The following DOCK2 variants were observed in gnomAD, a reference collection of about 807,000 sequenced individuals.
DOCK2 encodes the protein dedicator of cytokinesis protein 2.
DOCK2 carries 87 observed loss-of-function variants against 248.9 expected under a neutral mutation model. The observed-to-expected ratio is 0.35, with a 90% CI of 0.29 to 0.42. DOCK2 has a LOEUF of 0.42. Ranked by LOEUF, DOCK2 falls within the 10% of genes least tolerant of loss-of-function variation. The pLI, the probability that DOCK2 is intolerant of heterozygous loss-of-function variation, is 1.00. For missense variants in DOCK2, 1,747 were observed against 2,300.2 expected (o/e 0.76, Z 4.92); for synonymous variants, 805 against 821.6 (o/e 0.98, Z 0.35).
rs1347027503 is a variant in DOCK2, at chr5:169,883,211, T to A, written c.2799+42359T>A. On this transcript the variant is annotated intron_variant, in intron 27 of 51. Transcript: ENST00000520908. ...TCATCCAAAGGGTGTATGGAGTTAC[T>A]TACTTCAGCTGACCTGTCTGGGCTG... The A allele has an allele frequency of 3.9e-6, 6 of 1,551,454 alleles. No individual in the cohort carries two copies. In the South Asian group the frequency reaches 7.1e-5, roughly 18 times the overall value.
chr5:169,717,522 C>T (rs1761968002), intron 21 of DOCK2, 38 bp downstream of exon 21: 3 of 1,587,716 alleles, frequency 1.9e-6, no homozygotes, highest in Non-Finnish European at 2.6e-6. Flanking sequence ...TTCTCTACCA[C>T]CCTCTTGCCC....
Position 170,008,229 on chromosome 5 carries a change from A to AC in DOCK2, c.3073-268_3073-267insC, listed in dbSNP as rs752091415. On this transcript the variant is annotated intron_variant, in intron 30 of 51. Transcript: ENST00000520908. ...CAACAACAACAACAACAACAACAAAAAAAAAAAAACCTAAAATTCTCCTCC... is the reference window on the plus strand; with the variant it reads ...CAACAACAACAACAACAACAACAAAACAAAAAAAAACCTAAAATTCTCCTCC... 5.3e-3 allele frequency among the ~76,000 whole-genome samples: 735 copies of AC among 139,538 alleles called. 1 individual carries two copies. The highest frequency in any genetic ancestry group is 6.7e-3 in the Non-Finnish European group (448 of 67,326). The allele number at this position is 139,538 out of a possible 152,430, so 91.5% of individuals were successfully genotyped here. A position where few individuals can be genotyped will look rare whatever the true frequency, so the allele number is the denominator to read the frequency against.
At chr5:170,025,790 C>CCCTTCCTT (rs1193226351) in intron 33 of DOCK2, among the ~76,000 whole-genome samples, 5,404 of 67,460 alleles carry the variant, frequency 0.08, 469 homozygotes, top group Non-Finnish European at 0.1. Flanking sequence ...CTCCTTCCCT[C>CCCTTCCTT]CCTTCCTTCC....
chr5:169,978,236 T>C (rs979236616), intron 27 of DOCK2, among the ~76,000 whole-genome samples: 1 of 152,016 alleles, frequency 6.6e-6, no homozygotes, highest in Non-Finnish European at 1.5e-5. Context: ...CTCCTACTAA[T>C]CTTAGGTGAG....
Position 170,042,005 on chromosome 5 carries a change from C to A in DOCK2, c.3757-8C>A. On this transcript the variant is annotated splice_region_variant and splice_polypyrimidine_tract_variant and intron_variant, in intron 37 of 51. Transcript: ENST00000520908. ...CCCTGTGTGACTTCCTGTGTCTTCT[C>A]TTCACAGTGGTCGGATGAGCAGTGT... 6.2e-7 allele frequency: 1 copy of A among 1,612,898 alleles called. No homozygotes were observed. The highest frequency in any genetic ancestry group is 1.1e-5 in the South Asian group (1 of 90,974).
At chr5:169,855,197 G>A (rs1375700672) in intron 27 of DOCK2, among the ~76,000 whole-genome samples, 1 of 152,174 alleles carries the variant, frequency 6.6e-6, no homozygotes, top group African/African-American at 2.4e-5. Flanking sequence ...AGATAATGCA[G>A]GCAAAGCCTT....
At chr5:170,067,773 C>A in intron 45 of DOCK2, 87 bp downstream of exon 45, 1 of 1,445,960 alleles carries the variant, frequency 6.9e-7, no homozygotes, top group Non-Finnish European at 9.5e-7. Context: ...AGGTACATGT[C>A]ACTTATCCTA....
intron 27 of DOCK2, chr5:169,883,587 C>G (rs1772796085): frequency 6.4e-7 from 1 of 1,551,530 alleles, no homozygotes; most frequent in Admixed American, 2.0e-5. Context: ...GGAAATGCTT[C>G]CTGAGACTGG....
intron 46 of DOCK2, among the ~76,000 whole-genome samples, chr5:170,070,947 C>A (rs944796991): frequency 6.6e-6 from 1 of 152,182 alleles, no homozygotes; most frequent in Non-Finnish European, 1.5e-5. Context: ...TTAGATGTGG[C>A]GGCTTCTGAG....
chr5:169,857,099 C>G (rs1436008813), intron 27 of DOCK2, among the ~76,000 whole-genome samples: 1 of 152,198 alleles, frequency 6.6e-6, no homozygotes, highest in Admixed American at 6.5e-5. Flanking sequence ...AGGCAAAATG[C>G]TTTGCCCAAA....
At position 169,763,462 on chromosome 5, in the gene DOCK2, C is replaced by A. The variant is rs1220810372; in HGVS notation, c.2554+1837C>A. ...CATTGTTCAGAGCTGCTGTCATTGT[C>A]AGGGGCCCGGCTTGGCATCAAGGCC... On this transcript the variant is annotated intron_variant, in intron 25 of 51. Coordinates refer to ENST00000520908, the MANE Select transcript of DOCK2 (RefSeq NM_004946.3). The surrounding 1 kb of genome is among the most constrained non-coding windows in gnomAD (Gnocchi z 4.1). Among the ~76,000 whole-genome samples, 1 of 152,226 alleles carries A rather than the reference C, an allele frequency of 6.6e-6. No individual in the cohort carries two copies. The highest frequency in any genetic ancestry group is 1.9e-4 in the East Asian group (1 of 5,198).
chr5:169,846,651 TAC>T (rs1281466689), intron 27 of DOCK2, among the ~76,000 whole-genome samples: 9 of 151,522 alleles, frequency 5.9e-5, no homozygotes, highest in African/African-American at 1.9e-4. Context: ...TGTACATATA[TAC>T]ACACACATAT....
At chr5:169,925,104 AC>A (rs113229727) in intron 27 of DOCK2, among the ~76,000 whole-genome samples, 16 of 151,806 alleles carry the variant, frequency 1.1e-4, no homozygotes, top group African/African-American at 3.4e-4. Context: ...ATCCACCCCA[AC>A]CCCCCATTCA....
At chr5:169,889,866 G>A (rs752075852) in intron 27 of DOCK2, among the ~76,000 whole-genome samples, 4 of 152,226 alleles carry the variant, frequency 2.6e-5, no homozygotes, top group Non-Finnish European at 5.9e-5. Flanking sequence ...GTCATTGGTG[G>A]TTTTTGAGCA....
intron 22 of DOCK2, among the ~76,000 whole-genome samples, chr5:169,742,151 CA>C (rs1263794047): frequency 6.6e-6 from 1 of 152,036 alleles, no homozygotes; most frequent in Non-Finnish European, 1.5e-5. Flanking sequence ...TGGTGCCTGG[CA>C]TGTAGTAAGT....
At chr5:169,707,936 G>A (rs1320211586) in intron 14 of DOCK2, among the ~76,000 whole-genome samples, 1 of 152,242 alleles carries the variant, frequency 6.6e-6, no homozygotes, top group East Asian at 1.9e-4. Flanking sequence ...GTGGTTTCCA[G>A]AATGGAAGTA....
chr5:169,638,551 C>T (rs1211207725), intron 1 of DOCK2, among the ~76,000 whole-genome samples: 4 of 152,086 alleles, frequency 2.6e-5, no homozygotes, highest in African/African-American at 9.7e-5. Flanking sequence ...TCATGAGACT[C>T]TTGTGAGGAT....
intron 27 of DOCK2, among the ~76,000 whole-genome samples, chr5:169,916,551 CTTAT>C (rs1034603129): frequency 7.2e-5 from 11 of 152,170 alleles, no homozygotes; most frequent in Non-Finnish European, 2.9e-5. Context: ...CTGTGCCTCC[CTTAT>C]TTATAAAGTG....
chr5:169,702,174 C>G, intron 13 of DOCK2, 129 bp from the exon 14 acceptor site: 4 of 1,193,638 alleles, frequency 3.4e-6, no homozygotes, highest in Non-Finnish European at 3.4e-6. Context: ...TTTCTCTAAG[C>G]AATTCTGATT....
Sources: gnomAD v4.1 joint callset for allele counts (sites outside exome capture counted in the v4.1 genomes callset) on GRCh38, gnomAD v4.1.1 for gene constraint, Gnocchi (gnomAD v3.1) non-coding constraint, MANE v1.5 for transcripts, NCBI Gene and HGNC (gene_info 2026-07-23, HGNC 2026-07-21) for gene names.